Variants in LMX1A observed in about 807,000 individuals in gnomAD.
LMX1A encodes LIM homeobox transcription factor 1-alpha.
Under a neutral mutation model 49.1 loss-of-function variants are expected in LMX1A, and 15 were observed. That is an observed-to-expected ratio of 0.31 (90% CI 0.20 to 0.47). The LOEUF is 0.47. Among genes scored for constraint, LMX1A ranks in the 20% least tolerant of loss-of-function variants. The probability of loss-of-function intolerance (pLI) is 1.00; values close to 1 mark genes in which losing one functional copy is unlikely to be tolerated. For missense variants in LMX1A, 372 were observed against 475.8 expected (o/e 0.78, Z 2.03); for synonymous variants, 167 against 185.7 (o/e 0.90, Z 0.82).
At chr1:165,270,059 TA>T (rs1047233690) in intron 3 of LMX1A, among the ~76,000 whole-genome samples, 222 of 151,734 alleles carry the variant, frequency 1.5e-3, no homozygotes, top group Non-Finnish European at 2.2e-3. Flanking sequence ...AAAAATATAT[TA>T]AAAAAAAGAA....
chr1:165,294,279 T>G (rs1362641379), intron 3 of LMX1A, among the ~76,000 whole-genome samples: 1 of 152,250 alleles, frequency 6.6e-6, no homozygotes, highest in Non-Finnish European at 1.5e-5. Context: ...ACACACAGTA[T>G]TTTCAAGTGG....
chr1:165,270,119 G>A (rs1254636881), intron 3 of LMX1A, among the ~76,000 whole-genome samples: 2 of 152,120 alleles, frequency 1.3e-5, no homozygotes, highest in Admixed American at 1.3e-4. Flanking sequence ...CATGAGCCAA[G>A]TTTATATGCT....
chr1:165,279,780 A>G (rs182294932), intron 3 of LMX1A, among the ~76,000 whole-genome samples: 1 of 152,318 alleles, frequency 6.6e-6, no homozygotes, highest in East Asian at 1.9e-4. Flanking sequence ...GTGTCTCTCC[A>G]CATCAATAAA....
intron 3 of LMX1A, among the ~76,000 whole-genome samples, chr1:165,253,377 G>T (rs768124334): frequency 5.3e-5 from 8 of 152,152 alleles, no homozygotes; most frequent in Non-Finnish European, 1.2e-4. Flanking sequence ...GTCAATACAT[G>T]TGCACTGTGT....
Position 165,226,454 on chromosome 1 carries a change from G to A in LMX1A, c.497-12641C>T, listed in dbSNP as rs182512070. ...ATCCAATGTGTGGGCTTAGCTCAGT[G>A]TCCTAGATCAAGTCTTTCAATGAGT... On this transcript the variant is annotated intron_variant, in intron 4 of 8. Transcript: ENST00000342310. 3.3e-3 allele frequency among the ~76,000 whole-genome samples: 505 copies of A among 152,294 alleles called. 5 individuals are homozygous for A. The highest frequency in any genetic ancestry group is 3.3e-3 in the Non-Finnish European group (227 of 68,032).
Position 165,203,854 on chromosome 1 carries a change from C to G in LMX1A, c.*26G>C, listed in dbSNP as rs769601293. ...GAATATGGTTGTTCCATATGGGAGC[C>G]TAGTCACAGAACTCTAGGGGAAGAC... On this transcript the variant is annotated 3_prime_UTR_variant, in exon 9 of 9. Coordinates refer to ENST00000342310, the MANE Select transcript of LMX1A (RefSeq NM_177398.4). The G allele has an allele frequency of 1.2e-6, 2 of 1,610,458 alleles. No homozygotes were observed. Among genetic ancestry groups the G allele is most frequent in the East Asian group, 4.5e-5 (2 of 44,854 alleles).
At chr1:165,323,542 A>G (rs915063693) in intron 3 of LMX1A, among the ~76,000 whole-genome samples, 1 of 152,222 alleles carries the variant, frequency 6.6e-6, no homozygotes, top group African/African-American at 2.4e-5. Context: ...AGACACTACC[A>G]TAACAATATA....
chr1:165,331,962 G>C (rs1655755310), intron 3 of LMX1A, among the ~76,000 whole-genome samples: 1 of 151,842 alleles, frequency 6.6e-6, no homozygotes, highest in African/African-American at 2.4e-5. Flanking sequence ...AACACAGAGG[G>C]GAAAAGACTG....
At chr1:165,308,242 G>C (rs1392439401) in intron 3 of LMX1A, among the ~76,000 whole-genome samples, 1 of 152,180 alleles carries the variant, frequency 6.6e-6, no homozygotes, top group Non-Finnish European at 1.5e-5. Flanking sequence ...AGGAACCACA[G>C]TTAGCCCTCT....
intron 3 of LMX1A, among the ~76,000 whole-genome samples, chr1:165,332,359 T>C (rs909428909): frequency 6.6e-6 from 1 of 152,038 alleles, no homozygotes; most frequent in African/African-American, 2.4e-5. Context: ...AATGTCAGAA[T>C]GGATAAAAAA....
At chr1:165,282,422 C>G (rs916203157) in intron 3 of LMX1A, among the ~76,000 whole-genome samples, 11 of 152,158 alleles carry the variant, frequency 7.2e-5, no homozygotes, top group Non-Finnish European at 7.3e-5. Context: ...CTCTAGGTTA[C>G]TTATAATACC....
chr1:165,344,264 C>G (rs1008918405), intron 3 of LMX1A, among the ~76,000 whole-genome samples: 3 of 152,186 alleles, frequency 2.0e-5, no homozygotes, highest in Admixed American at 1.3e-4. Flanking sequence ...GCACTGCCAA[C>G]TGGTTTTCAT....
intron 3 of LMX1A, among the ~76,000 whole-genome samples, chr1:165,336,425 G>T (rs1329620768): frequency 6.6e-6 from 1 of 152,096 alleles, no homozygotes; most frequent in Non-Finnish European, 1.5e-5. Context: ...AAGAGAGCCC[G>T]CAAATATCAG....
intron 3 of LMX1A, among the ~76,000 whole-genome samples, chr1:165,310,609 G>A (rs1246117019): frequency 6.6e-6 from 1 of 152,228 alleles, no homozygotes; most frequent in Non-Finnish European, 1.5e-5. Flanking sequence ...TGCATCCAAT[G>A]GGGTGGAGAT....
intron 3 of LMX1A, 57 bp downstream of exon 3, chr1:165,353,019 C>T: frequency 6.4e-7 from 1 of 1,568,258 alleles, no homozygotes; most frequent in Admixed American, 1.7e-5. Flanking sequence ...AGGACAAAGT[C>T]CTCGACGCAC....
chr1:165,235,187 G>T lies in LMX1A; in HGVS notation c.496+14221C>A, dbSNP rs1400793265. On this transcript the variant is annotated intron_variant, in intron 4 of 8. Transcript: ENST00000342310. Reference sequence around the variant, plus strand: ...GGCGATGCAGTCGATGGTATCTGTAGCACAGTACCCAGAAGACCCGGGAGC... The same window carrying T: ...GGCGATGCAGTCGATGGTATCTGTATCACAGTACCCAGAAGACCCGGGAGC... Among the ~76,000 whole-genome samples the T allele has an allele frequency of 2.6e-5, 4 of 152,154 alleles. No homozygotes were observed. In the East Asian group the frequency reaches 7.7e-4, roughly 29 times the overall value.
At chr1:165,320,701 A>C (rs1655359365) in intron 3 of LMX1A, among the ~76,000 whole-genome samples, 1 of 152,350 alleles carries the variant, frequency 6.6e-6, no homozygotes, top group Non-Finnish European at 1.5e-5. Flanking sequence ...CTCATTGCAT[A>C]TCTTTCTAAA....
intron 3 of LMX1A, among the ~76,000 whole-genome samples, chr1:165,302,339 G>A (rs1654807836): frequency 6.6e-6 from 1 of 152,072 alleles, no homozygotes; most frequent in Non-Finnish European, 1.5e-5. Context: ...AGCTACTCAG[G>A]TGGCTGAGGC....
intron 3 of LMX1A, among the ~76,000 whole-genome samples, chr1:165,251,480 C>G (rs1273022985): frequency 6.6e-6 from 1 of 152,066 alleles, no homozygotes; most frequent in Admixed American, 6.5e-5. Flanking sequence ...GATGAGTGAG[C>G]AGCTGAGAAA....
Sources: allele counts gnomAD v4.1 joint callset (sites outside exome capture counted in the v4.1 genomes callset), GRCh38; gene constraint gnomAD v4.1.1; transcripts MANE v1.5; gene names NCBI Gene and HGNC (gene_info 2026-07-23, HGNC 2026-07-21).